DDB1: variants seen among roughly 807,000 people sequenced by gnomAD.
DDB1 encodes the protein DNA damage-binding protein 1.
DDB1 carries 18 observed loss-of-function variants against 133.1 expected under a neutral mutation model. The observed-to-expected ratio is 0.14, with a 90% CI of 0.09 to 0.20. DDB1 has a LOEUF of 0.20. DDB1 is among the 10% of genes least tolerant of loss of function. DDB1 has a pLI of 1.00. For missense variants in DDB1, 828 were observed against 1,459.2 expected (o/e 0.57, Z 7.05); for synonymous variants, 580 against 550.5 (o/e 1.05, Z -0.75).
At chr11:61,329,741 C>T (rs557888241) in intron 3 of DDB1, among the ~76,000 whole-genome samples, 157 bp from the exon 4 acceptor site, 1 of 152,180 alleles carries the variant, frequency 6.6e-6, no homozygotes, top group African/African-American at 2.4e-5. Flanking sequence ...TCAGTGCATG[C>T]CTTTTTCATG....
chr11:61,311,319 AAC>A (rs759095755), intron 18 of DDB1: 3,193 of 140,368 alleles, frequency 0.023, 113 homozygotes, highest in African/African-American at 0.099. Flanking sequence ...AACATAACAT[AAC>A]ACATAACATA....
chr11:61,305,881 T>C (rs558702645), intron 21 of DDB1, among the ~76,000 whole-genome samples: 1 of 152,330 alleles, frequency 6.6e-6, no homozygotes, highest in Admixed American at 6.5e-5. Flanking sequence ...GTTCTGACTA[T>C]AAAATACACA....
intron 4 of DDB1, among the ~76,000 whole-genome samples, chr11:61,327,934 TA>T (rs1565038550): frequency 6.6e-6 from 1 of 152,230 alleles, no homozygotes; most frequent in Non-Finnish European, 1.5e-5. Flanking sequence ...ATTTCTGGCA[TA>T]AAACAGAAGA....
chr11:61,303,702 A>C (rs1447377776), intron 22 of DDB1, among the ~76,000 whole-genome samples, 163 bp downstream of exon 22: 1 of 140,760 alleles, frequency 7.1e-6, no homozygotes, highest in Non-Finnish European at 1.5e-5. Flanking sequence ...CTGCGTCTCA[A>C]AAAAAAAAAA....
At chr11:61,329,898 T>G (rs922480241) in intron 3 of DDB1, 60 bp downstream of exon 3, 1 of 1,418,824 alleles carries the variant, frequency 7.0e-7, no homozygotes, top group African/African-American at 1.4e-5. Context: ...TTTAATTTTT[T>G]CCATGAATCA....
chr11:61,302,406 A>G, intron 24 of DDB1, 47 bp from the exon 25 acceptor site: 1 of 1,600,422 alleles, frequency 6.2e-7, no homozygotes, highest in East Asian at 2.2e-5. Context: ...TCAACCCCAC[A>G]GCATGTATCC....
Position 61,329,545 on chromosome 11 carries a change from T to C in DDB1, c.367A>G (p.Ile123Val). 1 of 1,614,100 alleles carries C rather than the reference T, an allele frequency of 6.2e-7. No homozygotes were observed. The change falls in exon 4 of 27, where the codon ATC becomes GTC. Residue 123 changes from isoleucine (I) to valine (V), a missense_variant. By Grantham distance (29) the Ile-to-Val change is conservative. Coordinates refer to ENST00000301764, the MANE Select transcript of DDB1 (RefSeq NM_001923.5). ...GRPSETGIIGIIDPECRMIGL... is the reference protein window; with the variant it reads ...GRPSETGIIGVIDPECRMIGL... ...ATCATCCGGCACTCAGGGTCAATGA[T>C]GCCAATAATGCCGGTCTCTGAGGGG...
intron 21 of DDB1, among the ~76,000 whole-genome samples, chr11:61,304,726 A>G (rs1391904522): frequency 6.6e-6 from 1 of 151,722 alleles, no homozygotes; most frequent in African/African-American, 2.4e-5. Context: ...TACAAAAAAA[A>G]AATTAGCCAA....
chr11:61,324,362 T>G, intron 6 of DDB1: 2 of 496,512 alleles, frequency 4.0e-6, no homozygotes, highest in Admixed American at 6.6e-5. Flanking sequence ...CAATATATCT[T>G]ATATGTTTAC....
In DDB1 at chr11:61,300,402, T is replaced by C. The variant is rs558856163; in HGVS notation, c.3340-183A>G. 7.9e-4 allele frequency among the ~76,000 whole-genome samples: 120 copies of C among 152,260 alleles called. 4 individuals carry two copies. In the South Asian group the frequency reaches 0.024, roughly 31 times the overall value. On this transcript the variant is annotated intron_variant, in intron 26 of 26. Coordinates refer to ENST00000301764, the MANE Select transcript of DDB1 (RefSeq NM_001923.5). ...GTCAGCAAGGACACCACCTGGTCTATTTCTCCCTCTTCAAGATTCTCCCTC... is the reference window on the plus strand; with the variant it reads ...GTCAGCAAGGACACCACCTGGTCTACTTCTCCCTCTTCAAGATTCTCCCTC...
chr11:61,316,998 T>C (rs376330146), intron 10 of DDB1, among the ~76,000 whole-genome samples: 1,017 of 92,164 alleles, frequency 0.011, 49 homozygotes, highest in Non-Finnish European at 0.019. Context: ...TATATATATA[T>C]AGACATGGCA....
intron 1 of DDB1, 80 bp downstream of exon 1, chr11:61,332,828 C>A: frequency 7.7e-7 from 1 of 1,298,200 alleles, no homozygotes; most frequent in Non-Finnish European, 1.0e-6. Context: ...CCCGGCCGCC[C>A]CCGGGGCGGC....
chr11:61,321,930 G>A, intron 9 of DDB1: 1 of 556,244 alleles, frequency 1.8e-6, no homozygotes, highest in Admixed American at 3.1e-5. Flanking sequence ...TAGCAAGCTT[G>A]CTTAGATCGC....
At chr11:61,304,473 A>AAGAC (rs1855852523) in intron 21 of DDB1, among the ~76,000 whole-genome samples, 1 of 152,072 alleles carries the variant, frequency 6.6e-6, no homozygotes, top group African/African-American at 2.4e-5. Context: ...TCTCAAAAAA[A>AAGAC]AGAAAGAAAG....
At chr11:61,315,359 A>T (rs943966680) in intron 12 of DDB1, 1 of 152,244 alleles carries the variant, frequency 6.6e-6, no homozygotes, top group Non-Finnish European at 1.5e-5. Flanking sequence ...ATATATAAGG[A>T]TGAAAGCTCT....
chr11:61,308,184 A>G (rs1476459189), intron 21 of DDB1, among the ~76,000 whole-genome samples: 1 of 151,722 alleles, frequency 6.6e-6, no homozygotes, highest in Non-Finnish European at 1.5e-5. Context: ...TGTCCCTTGG[A>G]CTCATCTCTC....
intron 6 of DDB1, 110 bp downstream of exon 6, chr11:61,325,501 T>G (rs1590698019): frequency 1.2e-6 from 1 of 846,736 alleles, no homozygotes; most frequent in East Asian, 2.6e-5. Context: ...CATAGTAAAT[T>G]GTGTAACAGG....
chr11:61,320,207 CT>C (rs200495883), intron 10 of DDB1, among the ~76,000 whole-genome samples: 109 of 144,316 alleles, frequency 7.6e-4, no homozygotes, highest in African/African-American at 1.3e-3. Context: ...TTCTTTTTTT[CT>C]TTTTTTTTTT....
In DDB1 at chr11:61,317,355, C is replaced by T. The variant is rs890160308; in HGVS notation, c.1226-788G>A. Among the ~76,000 whole-genome samples the T allele has an allele frequency of 4.1e-5, 6 of 147,800 alleles. No individual in the cohort carries two copies. In the South Asian group the frequency reaches 6.5e-4, roughly 16 times the overall value. ...GTCTCGATCTCCTGACCTCGTGATC[C>T]GCCACCTTGGCCTCCCAAAGTGCTG... On this transcript the variant is annotated intron_variant, in intron 10 of 26. Coordinates refer to ENST00000301764, the MANE Select transcript of DDB1 (RefSeq NM_001923.5).
Sources: allele counts gnomAD v4.1 joint callset (sites outside exome capture counted in the v4.1 genomes callset), GRCh38; gene constraint gnomAD v4.1.1; transcripts MANE v1.5; gene names NCBI Gene and HGNC (gene_info 2026-07-23, HGNC 2026-07-21).